GRID2: variants seen among roughly 807,000 people sequenced by gnomAD.
GRID2 encodes the protein glutamate receptor ionotropic, delta-2.
In GRID2, 33 loss-of-function variants were observed where a neutral mutation model predicts 114.8. The ratio of observed to expected loss-of-function variants is 0.29; its 90% confidence interval spans 0.22 to 0.38. GRID2 has a LOEUF of 0.38. Ranked by LOEUF, GRID2 falls within the 10% of genes least tolerant of loss-of-function variation. GRID2 has a pLI of 1.00. For missense variants in GRID2, 1,184 were observed against 1,257.7 expected (o/e 0.94, Z 0.89); for synonymous variants, 505 against 449.9 (o/e 1.12, Z -1.55).
chr4:93,296,027 G>A (rs1449586881), intron 8 of GRID2, among the ~76,000 whole-genome samples: 9 of 150,864 alleles, frequency 6.0e-5, no homozygotes, highest in Non-Finnish European at 1.3e-4. Flanking sequence ...TAGGTAGCTT[G>A]AAATAGCAGA....
chr4:92,384,526 A>G lies in GRID2; in HGVS notation c.88+79782A>G, dbSNP rs1186742950. 1.1e-4 allele frequency among the ~76,000 whole-genome samples: 5 copies of G among 45,456 alleles called. No individual in the cohort carries two copies. The South Asian group carries it at 2.3e-3, about 21-fold the overall frequency. The allele number at this position is 45,456 out of a possible 152,430, so 29.8% of individuals were successfully genotyped here. A position where few individuals can be genotyped will look rare whatever the true frequency, so the allele number is the denominator to read the frequency against. Reference sequence around the variant, plus strand: ...TATATTATATATAATATTATATAATATAATATATAATATAATATATAATAT... The same window carrying G: ...TATATTATATATAATATTATATAATGTAATATATAATATAATATATAATAT... On this transcript the variant is annotated intron_variant, in intron 1 of 15. Transcript: ENST00000282020.
At chr4:92,669,637 A>G (rs552076711) in intron 2 of GRID2, among the ~76,000 whole-genome samples, 12 of 151,962 alleles carry the variant, frequency 7.9e-5, no homozygotes, top group Admixed American at 6.6e-4. Flanking sequence ...GCCATTATAC[A>G]CCTATTCCAT....
At chr4:92,552,721 A>C (rs1726657501) in intron 1 of GRID2, among the ~76,000 whole-genome samples, 1 of 152,162 alleles carries the variant, frequency 6.6e-6, no homozygotes, top group Non-Finnish European at 1.5e-5. Flanking sequence ...AGTTTTGGGG[A>C]GCAACAAAGA....
intron 1 of GRID2, among the ~76,000 whole-genome samples, chr4:92,485,013 T>C (rs34357160): frequency 0.052 from 7,839 of 151,956 alleles, 258 homozygotes; most frequent in East Asian, 0.083. Flanking sequence ...TATCTATTTA[T>C]TAAACAAATA....
intron 1 of GRID2, among the ~76,000 whole-genome samples, chr4:92,413,538 A>T (rs1452320940): frequency 6.6e-6 from 1 of 152,098 alleles, no homozygotes; most frequent in Non-Finnish European, 1.5e-5. Flanking sequence ...AATCAAAAGG[A>T]AGAAAGGTGT....
chr4:92,405,316 CA>C (rs938442724), intron 1 of GRID2, among the ~76,000 whole-genome samples: 2 of 152,068 alleles, frequency 1.3e-5, no homozygotes, highest in Non-Finnish European at 2.9e-5. Context: ...TTAATGCACA[CA>C]AAATGTTAAA....
At chr4:92,392,703 T>C (rs1187230944) in intron 1 of GRID2, among the ~76,000 whole-genome samples, 1 of 152,108 alleles carries the variant, frequency 6.6e-6, no homozygotes, top group Non-Finnish European at 1.5e-5. Context: ...GACTCAAAAT[T>C]ACTATTTAAA....
intron 13 of GRID2, among the ~76,000 whole-genome samples, chr4:93,563,002 T>C (rs1207178598): frequency 6.6e-6 from 1 of 152,008 alleles, no homozygotes; most frequent in Non-Finnish European, 1.5e-5. Context: ...TCAAGTCAGG[T>C]AATGTCAGTT....
rs1002905276 is a variant in GRID2 at position 93,238,311 on chromosome 4, GTTTA to G, written c.1126-48_1126-45del. The G allele has an allele frequency of 5.1e-5, 65 of 1,279,018 alleles. No homozygotes were observed. The African/African-American group carries it at 6.7e-4, about 13-fold the overall frequency. 79.2% of individuals were successfully genotyped at this position (1,279,018 alleles called of 1,614,324 possible). On this transcript the variant is annotated intron_variant, in intron 7 of 15. Coordinates refer to ENST00000282020, the MANE Select transcript of GRID2 (RefSeq NM_001510.4). The stretch of plus-strand genomic sequence containing the variant: ...TAGAGTTCCTAGAAGTTCCTTTTAT[GTTTA>G]TTTATTTATTTTTTTACTTCTCAAA...
chr4:93,527,654 TC>T (rs1731043553), intron 13 of GRID2, among the ~76,000 whole-genome samples: 2 of 152,120 alleles, frequency 1.3e-5, no homozygotes, highest in Admixed American at 1.3e-4. Flanking sequence ...GTTCATTTTT[TC>T]AATGCAAATT....
intron 8 of GRID2, among the ~76,000 whole-genome samples, chr4:93,266,888 C>T (rs1579482500): frequency 6.6e-6 from 1 of 152,088 alleles, no homozygotes; most frequent in African/African-American, 2.4e-5. Context: ...AAATACTGTT[C>T]GAATTCTTGG....
chr4:93,774,237 AC>A lies in GRID2; in HGVS notation c.*1741del, dbSNP rs1282069604. On this transcript the variant is annotated 3_prime_UTR_variant, in exon 16 of 16. Transcript: ENST00000282020. ...CAGAAAAATTTCTTATCATGCAAAA[AC>A]CATTTTGTTTCCAGGGTAACAAGTA... The A allele has an allele frequency of 1.3e-5, 2 of 152,072 alleles. No homozygotes were observed. Among genetic ancestry groups the A allele is most frequent in the African/African-American group, 2.4e-5 (1 of 41,438 alleles). The allele number at this position is 152,072 out of a possible 1,614,324, so 9.4% of individuals were successfully genotyped here.
chr4:92,325,667 T>G (rs1726554578), intron 1 of GRID2, among the ~76,000 whole-genome samples: 1 of 151,806 alleles, frequency 6.6e-6, no homozygotes, highest in Non-Finnish European at 1.5e-5. Context: ...GTTATTTTTT[T>G]TATTCTTTCT....
Position 93,273,007 on chromosome 4 carries a change from GT to G in GRID2, c.1245+34519del, listed in dbSNP as rs550189831. 5.5e-3 allele frequency among the ~76,000 whole-genome samples: 837 copies of G among 152,224 alleles called. 4 individuals carry two copies. The highest frequency in any genetic ancestry group is 0.019 in the African/African-American group (787 of 41,544). On this transcript the variant is annotated intron_variant, in intron 8 of 15. Coordinates refer to ENST00000282020, the MANE Select transcript of GRID2 (RefSeq NM_001510.4). ...AGATAACCCTTGACCATCCTTTGTA[GT>G]TCACTCTGCCTTTGCACCATCATCC...
intron 3 of GRID2, among the ~76,000 whole-genome samples, chr4:93,107,787 C>T (rs1379018506): frequency 6.6e-6 from 1 of 152,096 alleles, no homozygotes; most frequent in Non-Finnish European, 1.5e-5. Flanking sequence ...AGCCAGCACG[C>T]CCAGCCCCAA....
chr4:93,790,151 G>A (rs1457891128), intron 1 of GRID2, among the ~76,000 whole-genome samples: 1 of 125,542 alleles, frequency 8.0e-6, no homozygotes, highest in East Asian at 2.7e-4. Context: ...AGGAAAAATT[G>A]TCTTCCACAA....
rs758539663 is a variant in GRID2, at chr4:93,238,453, C to T, written c.1208C>T (p.Thr403Ile). The stretch of plus-strand genomic sequence containing the variant: ...AATGTCCACTTTGAAATCCTTGGAA[C>T]CAACTATGGAGAAGAGCTTGGCAGA... ...NPNVHFEILGTNYGEELGRGV... is the reference protein window; with the variant it reads ...NPNVHFEILGINYGEELGRGV... Residue 403 changes from threonine (T) to isoleucine (I), a missense_variant, in exon 8 of 16, where the codon ACC becomes ATC. Physicochemically the swap from Thr to Ile is moderately conservative, Grantham distance 89. This residue lies in a region of GRID2 where 717 missense variants were observed against 796.9 expected (regional missense o/e 0.90). Coordinates refer to ENST00000282020, the MANE Select transcript of GRID2 (RefSeq NM_001510.4). 1 of 1,609,916 alleles carries T rather than the reference C, an allele frequency of 6.2e-7. No individual in the cohort carries two copies. Among genetic ancestry groups the T allele is most frequent in the Non-Finnish European group, 8.5e-7 (1 of 1,176,822 alleles).
chr4:93,606,223 C>T (rs979701189), intron 13 of GRID2, among the ~76,000 whole-genome samples: 2 of 152,020 alleles, frequency 1.3e-5, no homozygotes, highest in African/African-American at 2.4e-5. Context: ...GCTGAGATCA[C>T]GCCTCTGCAC....
chr4:92,864,001 T>C (rs1420335707), intron 2 of GRID2, among the ~76,000 whole-genome samples: 2 of 152,168 alleles, frequency 1.3e-5, no homozygotes, highest in African/African-American at 4.8e-5. Context: ...TTTATTTCCA[T>C]TTAGTAACAG....
Sources: allele counts gnomAD v4.1 joint callset (sites outside exome capture counted in the v4.1 genomes callset), GRCh38; gene constraint gnomAD v4.1.1; regional missense constraint gnomAD v4.1.1; transcripts MANE v1.5; gene names NCBI Gene and HGNC (gene_info 2026-07-23, HGNC 2026-07-21).